The following CNST variants were observed in gnomAD, a reference collection of about 807,000 sequenced individuals.
CNST encodes consortin, connexin sorting protein, also known as consortin.
Under a neutral mutation model 72.4 loss-of-function variants are expected in CNST, and 39 were observed. That is an observed-to-expected ratio of 0.54 (90% CI 0.42 to 0.70). CNST has a LOEUF of 0.70. Ranked by LOEUF, CNST falls within the 30% of genes least tolerant of loss-of-function variation. CNST has a pLI of 0.00. For synonymous variants in CNST, 332 were observed against 320.1 expected, an observed-to-expected ratio of 1.04 and a Z score of -0.40; for missense variants, 871 against 868.5, an observed-to-expected ratio of 1.00 and a Z score of -0.04.
At chr1:246,594,005 A>G (rs1661716644) in intron 2 of CNST, among the ~76,000 whole-genome samples, 1 of 152,084 alleles carries the variant, frequency 6.6e-6, no homozygotes, top group South Asian at 2.1e-4. Context: ...TTCTGGCCTC[A>G]AGCGATCCTC....
chr1:246,609,701 A>T (rs1663173316), intron 2 of CNST, among the ~76,000 whole-genome samples: 1 of 152,230 alleles, frequency 6.6e-6, no homozygotes, highest in South Asian at 2.1e-4. Context: ...CACAGGAACC[A>T]CATCAAGCGT....
intron 9 of CNST, among the ~76,000 whole-genome samples, chr1:246,649,318 C>G (rs1452150941): frequency 3.3e-5 from 5 of 152,072 alleles, no homozygotes; most frequent in East Asian, 3.8e-4. Flanking sequence ...TGTATACTTA[C>G]AAAGAGTTAA....
intron 2 of CNST, among the ~76,000 whole-genome samples, chr1:246,594,705 G>T (rs996241720): frequency 1.3e-5 from 2 of 152,192 alleles, no homozygotes; most frequent in East Asian, 3.9e-4. Flanking sequence ...GGAGGCGGAG[G>T]TTGCAGTGAG....
intron 1 of CNST, among the ~76,000 whole-genome samples, chr1:246,590,630 A>G (rs887664571): frequency 1.5e-4 from 16 of 109,072 alleles, no homozygotes; most frequent in African/African-American, 5.5e-4. Flanking sequence ...AAGAATCTTT[A>G]GAAGTCCTCT....
chr1:246,600,686 GAA>G (rs1662225556), intron 2 of CNST, among the ~76,000 whole-genome samples: 1 of 152,238 alleles, frequency 6.6e-6, no homozygotes. Flanking sequence ...TACAGGGAGA[GAA>G]AGAGCAAGTT....
intron 1 of CNST, among the ~76,000 whole-genome samples, chr1:246,572,759 C>T (rs186152265): frequency 7.4e-4 from 113 of 152,140 alleles, no homozygotes; most frequent in African/African-American, 2.0e-3. Flanking sequence ...AGCAGGGTTT[C>T]GCCATGTTGC....
chr1:246,665,595 GACCA>G (rs1667355091), intron 10 of CNST, 101 bp from the exon 11 acceptor site: 3 of 916,212 alleles, frequency 3.3e-6, no homozygotes, highest in Non-Finnish European at 5.2e-6. Context: ...ATCCGTAGAG[GACCA>G]ACAGTAGAAA....
At chr1:246,635,324 T>G (rs2103105579) in intron 6 of CNST, among the ~76,000 whole-genome samples, 1 of 151,776 alleles carries the variant, frequency 6.6e-6, no homozygotes, top group East Asian at 1.9e-4. Flanking sequence ...CAACAAGAGT[T>G]TTAATGGCTT....
At chr1:246,600,766 G>A (rs1436722283) in intron 2 of CNST, among the ~76,000 whole-genome samples, 2 of 152,196 alleles carry the variant, frequency 1.3e-5, no homozygotes, top group African/African-American at 4.8e-5. Flanking sequence ...GTAGACGTCT[G>A]AGTAGACCTG....
At chr1:246,656,203 T>C (rs1666759338) in intron 9 of CNST, among the ~76,000 whole-genome samples, 2 of 151,212 alleles carry the variant, frequency 1.3e-5, no homozygotes, top group Admixed American at 6.6e-5. Flanking sequence ...TCTGTTTTCT[T>C]CTTTAATTTT....
In CNST at chr1:246,640,382, T is replaced by A. The variant is rs576049948; in HGVS notation, c.819-1367T>A. On this transcript the variant is annotated intron_variant, in intron 6 of 10. Transcript: ENST00000366513. ...AATAGAATACAGTATCTAACCAAAA[T>A]CTTGCAGAAGAAAAGCTGCATTTAC... Among the ~76,000 whole-genome samples, 13 of 152,310 alleles carry A rather than the reference T, an allele frequency of 8.5e-5. 1 individual carries two copies. In the South Asian group the frequency reaches 2.7e-3, roughly 32 times the overall value.
At chr1:246,644,935 A>C (rs1400612508) in intron 8 of CNST, among the ~76,000 whole-genome samples, 1 of 152,224 alleles carries the variant, frequency 6.6e-6, no homozygotes, top group African/African-American at 2.4e-5. Context: ...CCCAGTGTCA[A>C]AGCAGGCAAC....
chr1:246,662,612 A>G (rs1460588331), intron 10 of CNST, among the ~76,000 whole-genome samples: 1 of 152,190 alleles, frequency 6.6e-6, no homozygotes, highest in Non-Finnish European at 1.5e-5. Context: ...GCTGGTCTCG[A>G]ACTCCTGACC....
At chr1:246,588,362 A>C (rs906246748) in intron 1 of CNST, among the ~76,000 whole-genome samples, 1 of 152,164 alleles carries the variant, frequency 6.6e-6, no homozygotes, top group Non-Finnish European at 1.5e-5. Flanking sequence ...TATGGGAAAT[A>C]AGGAGGTAAA....
intron 2 of CNST, among the ~76,000 whole-genome samples, chr1:246,610,454 G>T (rs1327983709): frequency 6.6e-6 from 1 of 152,026 alleles, no homozygotes; most frequent in African/African-American, 2.4e-5. Flanking sequence ...CAATGTCTCG[G>T]CTTCTTCCGG....
chr1:246,619,726 G>T (rs1203401010), intron 2 of CNST, among the ~76,000 whole-genome samples: 1 of 152,248 alleles, frequency 6.6e-6, no homozygotes, highest in Admixed American at 6.5e-5. Flanking sequence ...TTTTACTTTG[G>T]GAGATGAAGA....
intron 2 of CNST, among the ~76,000 whole-genome samples, chr1:246,601,945 C>T (rs776314467): frequency 6.6e-6 from 1 of 152,100 alleles, no homozygotes; most frequent in Non-Finnish European, 1.5e-5. Flanking sequence ...TGAAGTATTA[C>T]CTCTTGGATA....
At position 246,647,264 on chromosome 1, in the gene CNST, GC is replaced by G. The variant is rs1666149615; in HGVS notation, c.1064del (p.Ala355GlufsTer17). 1 of 1,614,042 alleles carries G rather than the reference GC, an allele frequency of 6.2e-7. No homozygotes were observed. The highest frequency in any genetic ancestry group is 8.5e-7 in the Non-Finnish European group (1 of 1,180,044). On this transcript the variant is annotated frameshift_variant, in exon 9 of 11. Coordinates refer to ENST00000366513, the MANE Select transcript of CNST (RefSeq NM_152609.3). LOFTEE classifies it high-confidence loss of function. Reference sequence around the variant, plus strand: ...AGATTCCCCAAGCCTTTCGGTAACTGCAGGAAAGGACCACATGGAGGAGCTG... The same window carrying G: ...AGATTCCCCAAGCCTTTCGGTAACTGAGGAAAGGACCACATGGAGGAGCTG... ...QTDSPSLSVTAGKDHMEELLC... is the reference protein window; with the variant it reads ...QTDSPSLSVTXGKDHMEELLC...
intron 1 of CNST, among the ~76,000 whole-genome samples, chr1:246,576,760 C>T (rs1291807227): frequency 6.6e-6 from 1 of 151,996 alleles, no homozygotes; most frequent in African/African-American, 2.4e-5. Context: ...TTCCAAAGTG[C>T]TGGGGTTACA....
Sources: allele counts gnomAD v4.1 joint callset (sites outside exome capture counted in the v4.1 genomes callset), GRCh38; gene constraint gnomAD v4.1.1; transcripts MANE v1.5; gene names NCBI Gene and HGNC (gene_info 2026-07-23, HGNC 2026-07-21).